Variants in SYTL2 observed in about 807,000 individuals in gnomAD.
The protein encoded by SYTL2 is synaptotagmin like 2.
Under a neutral mutation model 198.7 loss-of-function variants are expected in SYTL2, and 165 were observed. The ratio of observed to expected loss-of-function variants is 0.83; its 90% CI spans 0.73 to 0.94. The LOEUF is 0.94. Ranked by LOEUF, SYTL2 falls within the 40% of genes least tolerant of loss-of-function variation. The pLI is 0.00. For synonymous variants in SYTL2, 966 were observed against 917.7 expected (o/e 1.05, Z -0.95); for missense variants, 2,835 against 2,582.8 (o/e 1.10, Z -2.12).
chr11:85,833,102 G>GGAAAGAAA, the SYTL2 span, among the ~76,000 whole-genome samples: 1 of 28,240 alleles, frequency 3.5e-5, no homozygotes, highest in East Asian at 9.0e-4. Context: ...AAAGAAAGAA[G>GGAAAGAAA]GAAGGAAGGA....
At chr11:85,769,858 T>C (rs2092321727) in intron 1 of SYTL2, among the ~76,000 whole-genome samples, 1 of 152,104 alleles carries the variant, frequency 6.6e-6, no homozygotes, top group African/African-American at 2.4e-5. Context: ...AGGCCCGTGG[T>C]GGTAGGCTGG....
intron 6 of SYTL2, among the ~76,000 whole-genome samples, chr11:85,735,224 C>T (rs760733634): frequency 6.6e-6 from 1 of 152,044 alleles, no homozygotes; most frequent in Non-Finnish European, 1.5e-5. Context: ...AACGTCTATT[C>T]GAAAAATCAT....
the SYTL2 span, among the ~76,000 whole-genome samples, chr11:85,838,773 G>A: frequency 6.6e-6 from 1 of 152,116 alleles, no homozygotes; most frequent in African/African-American, 2.4e-5. Flanking sequence ...AGATTTGGAT[G>A]GGGATAAATA....
chr11:85,807,668 C>G (rs1376226579), intron 1 of SYTL2, among the ~76,000 whole-genome samples: 1 of 152,134 alleles, frequency 6.6e-6, no homozygotes, highest in Non-Finnish European at 1.5e-5. Context: ...ATTTTCTGCT[C>G]AAATTTTGCA....
At chr11:85,831,984 A>T in the SYTL2 span, among the ~76,000 whole-genome samples, 1 of 149,156 alleles carries the variant, frequency 6.7e-6, no homozygotes, top group East Asian at 1.9e-4. Flanking sequence ...ATCACTTTTA[A>T]ATGACAATTT....
In SYTL2 at chr11:85,725,248, T is replaced by G; in HGVS notation, c.4110A>C (p.Val1370=). 1 of 1,614,154 alleles carries G rather than the reference T, an allele frequency of 6.2e-7. No individual in the cohort carries two copies. The highest frequency in any genetic ancestry group is 8.5e-7 in the Non-Finnish European group (1 of 1,180,012). ...CACACAGCTTCTGTAATGCAGCACT[T>G]ACATCATTCAATACAGGTCTGGGTG... The part of the protein sequence containing the change: ...ILPPRPVLND[V]SAALQKLCGE... Residue 1370 remains valine (V), a synonymous_variant, in exon 8 of 20, where the codon GTA becomes GTC. Coordinates refer to ENST00000359152, the MANE Select transcript of SYTL2 (RefSeq NM_206927.4).
rs562101873 is a variant in SYTL2, at chr11:85,722,552, T to C, written c.5326+1480A>G. On this transcript the variant is annotated intron_variant, in intron 8 of 19. Coordinates refer to ENST00000359152, the MANE Select transcript of SYTL2 (RefSeq NM_206927.4). ...TTATGCTGGGATACACATTAGATGA[T>C]AGTCTCTAACATAATTGCAAATTTG... is the stretch of plus-strand genomic sequence containing the variant. Among the ~76,000 whole-genome samples the C allele has an allele frequency of 3.3e-5, 5 of 152,288 alleles. No homozygotes were observed. The South Asian group carries it at 1.0e-3, about 32-fold the overall frequency.
intron 3 of SYTL2, among the ~76,000 whole-genome samples, chr11:85,746,661 C>A (rs530583119): frequency 1.5e-4 from 23 of 152,282 alleles, no homozygotes; most frequent in East Asian, 1.9e-4. Context: ...AGTATCCCCC[C>A]ACAGGTCCTG....
At chr11:85,787,471 C>T (rs1244158849) in intron 1 of SYTL2, among the ~76,000 whole-genome samples, 1 of 152,082 alleles carries the variant, frequency 6.6e-6, no homozygotes, top group Non-Finnish European at 1.5e-5. Context: ...AAAGATCAAA[C>T]TTTGCTTACA....
intron 1 of SYTL2, among the ~76,000 whole-genome samples, chr11:85,772,241 A>G (rs750913770): frequency 6.6e-6 from 1 of 152,216 alleles, no homozygotes; most frequent in Non-Finnish European, 1.5e-5. Flanking sequence ...ATACCCATAA[A>G]TTTGGTTAAG....
intron 1 of SYTL2, among the ~76,000 whole-genome samples, chr11:85,791,962 T>C (rs910048836): frequency 2.6e-5 from 4 of 152,110 alleles, no homozygotes; most frequent in African/African-American, 9.7e-5. Context: ...ATTAATAACC[T>C]TGATGAGCTG....
intron 10 of SYTL2, among the ~76,000 whole-genome samples, chr11:85,717,923 T>C (rs895063071): frequency 6.6e-6 from 1 of 152,096 alleles, no homozygotes; most frequent in Non-Finnish European, 1.5e-5. Context: ...AAAATGAAGA[T>C]AAAAATCCCT....
upstream of SYTL2, among the ~76,000 whole-genome samples, chr11:85,815,634 T>C (rs1486653094): frequency 1.3e-5 from 2 of 152,198 alleles, no homozygotes. Flanking sequence ...CAGCTATTAG[T>C]GTCTGCATTT....
At chr11:85,808,920 C>G (rs1293257262) in intron 1 of SYTL2, among the ~76,000 whole-genome samples, 1 of 151,152 alleles carries the variant, frequency 6.6e-6, no homozygotes, top group Admixed American at 6.6e-5. Flanking sequence ...TCTTCATCTA[C>G]TGTATGTTTA....
Position 85,725,246 on chromosome 11 carries a change from C to T in SYTL2, c.4112G>A (p.Ser1371Asn), listed in dbSNP as rs756290823. Reference protein sequence around the residue: ...LPPRPVLNDVSAALQKLCGEV... With the variant: ...LPPRPVLNDVNAALQKLCGEV... ...TCCACACAGCTTCTGTAATGCAGCA[C>T]TTACATCATTCAATACAGGTCTGGG... is the stretch of plus-strand genomic sequence containing the variant. The change falls in exon 8 of 20, where the codon AGT becomes AAT. Residue 1371 changes from serine to asparagine, a missense_variant. Coordinates refer to ENST00000359152, the MANE Select transcript of SYTL2 (RefSeq NM_206927.4). The T allele has an allele frequency of 1.2e-6, 2 of 1,614,172 alleles. No individual in the cohort carries two copies. Among genetic ancestry groups the T allele is most frequent in the South Asian group, 2.2e-5 (2 of 91,082 alleles).
the SYTL2 span, among the ~76,000 whole-genome samples, chr11:85,825,025 T>C: frequency 6.6e-6 from 1 of 152,310 alleles, no homozygotes; most frequent in South Asian, 2.1e-4. Flanking sequence ...GTTAAGAGGC[T>C]GGAGAATGAA....
chr11:85,711,524 T>C (rs531670733), intron 12 of SYTL2, among the ~76,000 whole-genome samples: 132 of 152,338 alleles, frequency 8.7e-4, no homozygotes, highest in African/African-American at 3.0e-3. Flanking sequence ...GTGAGCTTTC[T>C]TGCCAGTCTT....
chr11:85,819,125 A>G, the SYTL2 span, among the ~76,000 whole-genome samples: 1 of 152,184 alleles, frequency 6.6e-6, no homozygotes, highest in South Asian at 2.1e-4. Flanking sequence ...TTTCATATCA[A>G]TTCTCTAGTC....
chr11:85,852,702 G>A, the SYTL2 span: 1 of 221,516 alleles, frequency 4.5e-6, no homozygotes, highest in South Asian at 5.2e-5. Context: ...CTGGAGTGCA[G>A]TGGCATGATC....
Sources: gnomAD v4.1 joint callset for allele counts (sites outside exome capture counted in the v4.1 genomes callset) on GRCh38, gnomAD v4.1.1 for gene constraint, MANE v1.5 for transcripts, NCBI Gene and HGNC (gene_info 2026-07-23, HGNC 2026-07-21) for gene names.